CNTNAP2: variants seen among roughly 807,000 people sequenced by gnomAD.
CNTNAP2 encodes the protein contactin associated protein 2.
A neutral mutation model predicts 155.2 loss-of-function variants in CNTNAP2; 98 were observed. The observed-to-expected ratio is 0.63, with a 90% CI of 0.54 to 0.75. CNTNAP2 has a LOEUF of 0.75. Ranked by LOEUF, CNTNAP2 falls within the 30% of genes least tolerant of loss-of-function variation. CNTNAP2 has a pLI of 0.00. For missense variants in CNTNAP2, 1,727 were observed against 1,688.1 expected (o/e 1.02, Z -0.40); for synonymous variants, 651 against 631.2 (o/e 1.03, Z -0.47).
At chr7:146,832,866 T>C (rs1243004971) in intron 2 of CNTNAP2, among the ~76,000 whole-genome samples, 15 of 151,906 alleles carry the variant, frequency 9.9e-5, no homozygotes, top group Admixed American at 9.8e-4. Flanking sequence ...TGGCAAATTT[T>C]TGTATATTTT....
At chr7:148,102,893 G>A (rs1379300970) in intron 15 of CNTNAP2, among the ~76,000 whole-genome samples, 1 of 152,148 alleles carries the variant, frequency 6.6e-6, no homozygotes, top group Non-Finnish European at 1.5e-5. Context: ...AGCCTCAGGA[G>A]GTCCTGATGA....
chr7:147,032,439 A>G (rs1799053127), intron 3 of CNTNAP2, among the ~76,000 whole-genome samples: 1 of 152,212 alleles, frequency 6.6e-6, no homozygotes, highest in South Asian at 2.1e-4. Flanking sequence ...AAATCTGGCC[A>G]TAAATCCTAA....
chr7:147,144,576 A>G (rs1801663914), intron 8 of CNTNAP2, among the ~76,000 whole-genome samples: 3 of 152,210 alleles, frequency 2.0e-5, no homozygotes, highest in Admixed American at 2.0e-4. Flanking sequence ...ATCCTATTTC[A>G]TGCAGGATAA....
intron 13 of CNTNAP2, among the ~76,000 whole-genome samples, chr7:147,864,903 T>C (rs568675876): frequency 4.9e-4 from 75 of 152,294 alleles, no homozygotes; most frequent in Non-Finnish European, 7.8e-4. Context: ...CTTTTCCTAA[T>C]TGAATGCCCT....
chr7:146,864,389 CAA>C (rs1355685555), intron 3 of CNTNAP2, among the ~76,000 whole-genome samples: 3 of 151,982 alleles, frequency 2.0e-5, no homozygotes, highest in African/African-American at 7.2e-5. Context: ...CATAAAATGA[CAA>C]AGTGTTCTTA....
At chr7:147,586,482 T>G (rs1310444361) in intron 12 of CNTNAP2, among the ~76,000 whole-genome samples, 5 of 128,796 alleles carry the variant, frequency 3.9e-5, no homozygotes. Context: ...AGAAGTTTAT[T>G]TTTAGTTTAC....
At chr7:147,186,683 AACAGAAGGTAGAAAAGATGTTTCACC>A (rs1802573794) in intron 8 of CNTNAP2, among the ~76,000 whole-genome samples, 1 of 152,160 alleles carries the variant, frequency 6.6e-6, no homozygotes. Flanking sequence ...AACTTAGGCA[AACAGAAGGTAGAAAAGATGTTTCACC>A]ACCAAAAACT....
chr7:147,318,528 C>T (rs922619764), intron 9 of CNTNAP2, among the ~76,000 whole-genome samples: 1 of 152,078 alleles, frequency 6.6e-6, no homozygotes, highest in Non-Finnish European at 1.5e-5. Flanking sequence ...AGCTCATGTC[C>T]TTTGCAGGGA....
intron 11 of CNTNAP2, among the ~76,000 whole-genome samples, chr7:147,542,639 T>C (rs968536916): frequency 6.6e-6 from 1 of 152,230 alleles, no homozygotes; most frequent in Non-Finnish European, 1.5e-5. Flanking sequence ...GAGCTCTGTC[T>C]CTTTCAGTAT....
chr7:146,731,350 G>A (rs557936124), intron 1 of CNTNAP2, among the ~76,000 whole-genome samples: 2 of 151,942 alleles, frequency 1.3e-5, no homozygotes, highest in Admixed American at 6.6e-5. Context: ...ATGGAATCAC[G>A]TGCAATATTT....
intron 1 of CNTNAP2, among the ~76,000 whole-genome samples, chr7:146,750,610 T>C (rs903773670): frequency 6.6e-6 from 1 of 152,152 alleles, no homozygotes; most frequent in African/African-American, 2.4e-5. Flanking sequence ...TTGCCGAGGA[T>C]TTTCTTTTCT....
At chr7:147,653,221 C>T (rs1045095704) in intron 13 of CNTNAP2, among the ~76,000 whole-genome samples, 8 of 152,014 alleles carry the variant, frequency 5.3e-5, no homozygotes, top group African/African-American at 9.7e-5. Flanking sequence ...GATATGGAAA[C>T]GAAATGTTGA....
At chr7:147,096,801 C>T (rs1029378062) in intron 4 of CNTNAP2, among the ~76,000 whole-genome samples, 36 of 152,174 alleles carry the variant, frequency 2.4e-4, no homozygotes, top group Admixed American at 1.4e-3. Context: ...ATGGACAGCA[C>T]CCAAGTTCAC....
At chr7:147,668,370 A>G (rs1015583251) in intron 13 of CNTNAP2, among the ~76,000 whole-genome samples, 1 of 152,242 alleles carries the variant, frequency 6.6e-6, no homozygotes, top group South Asian at 2.1e-4. Context: ...CTTCATAAAC[A>G]TATTTCTGAA....
chr7:147,584,650 G>A (rs1173001446), intron 12 of CNTNAP2, among the ~76,000 whole-genome samples: 1 of 151,952 alleles, frequency 6.6e-6, no homozygotes, highest in Non-Finnish European at 1.5e-5. Flanking sequence ...AAAATGTCAT[G>A]TTTAAATCTG....
chr7:148,227,933 GTGA>G lies in CNTNAP2; in HGVS notation c.3248-1712_3248-1710del, dbSNP rs1388462276. 1.4e-3 allele frequency among the ~76,000 whole-genome samples: 205 copies of G among 146,646 alleles called. 1 individual carries two copies. Among genetic ancestry groups the G allele is most frequent in the African/African-American group, 4.9e-3 (193 of 39,050 alleles). ...TGTGTGTGTGTGTGTGTGTGTGTGTGTGAAAGTCTGGAAGGAGCTACTCCCAAG... is the reference window on the plus strand; with the variant it reads ...TGTGTGTGTGTGTGTGTGTGTGTGTGAAGTCTGGAAGGAGCTACTCCCAAG... On this transcript the variant is annotated intron_variant, in intron 19 of 23. Transcript: ENST00000361727.
chr7:146,688,711 T>C (rs201538731), intron 1 of CNTNAP2, among the ~76,000 whole-genome samples: 7 of 152,132 alleles, frequency 4.6e-5, no homozygotes, highest in Non-Finnish European at 8.8e-5. Flanking sequence ...TCTGGATGTA[T>C]ACGTGCAGGT....
At chr7:147,118,731 A>G (rs1801040237) in intron 5 of CNTNAP2, among the ~76,000 whole-genome samples, 1 of 152,184 alleles carries the variant, frequency 6.6e-6, no homozygotes, top group African/African-American at 2.4e-5. Context: ...AAAAACTGGT[A>G]AGTATTTGCA....
intron 11 of CNTNAP2, among the ~76,000 whole-genome samples, chr7:147,507,367 A>G (rs2116681257): frequency 1.3e-5 from 2 of 152,214 alleles, no homozygotes; most frequent in East Asian, 3.9e-4. Flanking sequence ...AAGTAACCCA[A>G]GGAGGTTGTC....
Sources: gnomAD v4.1 joint callset for allele counts (sites outside exome capture counted in the v4.1 genomes callset) on GRCh38, gnomAD v4.1.1 for gene constraint, MANE v1.5 for transcripts, NCBI Gene and HGNC (gene_info 2026-07-23, HGNC 2026-07-21) for gene names.